Variants in GPC5 observed in about 807,000 individuals in gnomAD.
GPC5 encodes the protein glypican-5.
A neutral mutation model predicts 53.9 loss-of-function variants in GPC5; 47 were observed. That is an observed-to-expected ratio of 0.87 (90% CI 0.69 to 1.11). The LOEUF (loss-of-function observed/expected upper bound fraction) is 1.11. Among genes scored for constraint, GPC5 ranks in the 50% most tolerant of loss-of-function variants. GPC5 has a pLI of 0.00. For synonymous variants in GPC5, 286 were observed against 263.3 expected, an observed-to-expected ratio of 1.09 and a Z score of -0.84; for missense variants, 748 against 713.1, an observed-to-expected ratio of 1.05 and a Z score of -0.56.
At chr13:91,615,903 T>C (rs886577934) in intron 2 of GPC5, among the ~76,000 whole-genome samples, 1 of 152,148 alleles carries the variant, frequency 6.6e-6, no homozygotes, top group East Asian at 1.9e-4. Context: ...CAAATGTCTT[T>C]AATTCGTGGA....
At chr13:92,703,905 CA>C (rs1209925854) in intron 7 of GPC5, among the ~76,000 whole-genome samples, 18 of 151,912 alleles carry the variant, frequency 1.2e-4, no homozygotes, top group African/African-American at 4.1e-4. Context: ...ATAGATTTTT[CA>C]GAGCTTTAGA....
At chr13:91,936,355 A>G (rs539501122) in intron 6 of GPC5, among the ~76,000 whole-genome samples, 2 of 152,092 alleles carry the variant, frequency 1.3e-5, no homozygotes, top group Admixed American at 6.6e-5. Context: ...AGGTTTTAGT[A>G]GGATTTGCTT....
intron 2 of GPC5, among the ~76,000 whole-genome samples, chr13:91,529,860 C>T (rs950384353): frequency 7.2e-5 from 11 of 152,252 alleles, no homozygotes; most frequent in South Asian, 4.1e-4. Context: ...TCATGTGTCT[C>T]GGTCACAAGT....
intron 2 of GPC5, among the ~76,000 whole-genome samples, chr13:91,602,456 G>T (rs562582655): frequency 5.7e-4 from 87 of 152,178 alleles, no homozygotes; most frequent in Non-Finnish European, 2.4e-4. Flanking sequence ...TTTAGTGAGG[G>T]TTCATTTGTA....
chr13:92,708,116 C>G (rs958176976), intron 7 of GPC5, among the ~76,000 whole-genome samples: 6 of 152,118 alleles, frequency 3.9e-5, no homozygotes, highest in Non-Finnish European at 8.8e-5. Context: ...GTAGAATCAG[C>G]ATGAGAAACA....
intron 7 of GPC5, among the ~76,000 whole-genome samples, chr13:92,628,905 T>C (rs889538097): frequency 8.5e-5 from 13 of 152,168 alleles, no homozygotes; most frequent in Admixed American, 2.6e-4. Flanking sequence ...TGGGAAGCAT[T>C]TCCCATCTTC....
At chr13:91,639,964 T>C (rs1332034263) in intron 2 of GPC5, among the ~76,000 whole-genome samples, 2 of 152,184 alleles carry the variant, frequency 1.3e-5, no homozygotes, top group Non-Finnish European at 2.9e-5. Context: ...GCTTGGGTTT[T>C]ATTCACTATG....
intron 7 of GPC5, among the ~76,000 whole-genome samples, chr13:92,747,951 C>G (rs2139320500): frequency 6.6e-6 from 1 of 152,238 alleles, no homozygotes; most frequent in East Asian, 1.9e-4. Flanking sequence ...TTATTTTCCA[C>G]AGTTAAAAAT....
At chr13:91,813,639 C>T (rs552018963) in intron 5 of GPC5, among the ~76,000 whole-genome samples, 2 of 151,950 alleles carry the variant, frequency 1.3e-5, no homozygotes, top group Non-Finnish European at 2.9e-5. Context: ...TGAAGTTTGC[C>T]GAGTATTGGA....
At chr13:92,052,942 A>G (rs2041042463) in intron 6 of GPC5, among the ~76,000 whole-genome samples, 1 of 152,006 alleles carries the variant, frequency 6.6e-6, no homozygotes, top group Non-Finnish European at 1.5e-5. Flanking sequence ...TCTCCTAAAC[A>G]CCCCTCCTAG....
At chr13:92,170,287 C>A (rs1309759679) in intron 7 of GPC5, among the ~76,000 whole-genome samples, 1 of 151,578 alleles carries the variant, frequency 6.6e-6, no homozygotes, top group Non-Finnish European at 1.5e-5. Flanking sequence ...GCATAAGATT[C>A]TTTAATTGAT....
chr13:91,947,487 A>G (rs2039984344), intron 6 of GPC5, among the ~76,000 whole-genome samples: 1 of 152,180 alleles, frequency 6.6e-6, no homozygotes, highest in Admixed American at 6.5e-5. Flanking sequence ...TTCATAATTT[A>G]TTCCTACTCA....
intron 7 of GPC5, among the ~76,000 whole-genome samples, chr13:92,748,936 T>A (rs754584300): frequency 6.6e-6 from 1 of 152,186 alleles, no homozygotes; most frequent in Non-Finnish European, 1.5e-5. Context: ...TCTAATGAAA[T>A]TGTGAATACC....
At chr13:91,957,148 T>C (rs1193487224) in intron 6 of GPC5, among the ~76,000 whole-genome samples, 2 of 151,960 alleles carry the variant, frequency 1.3e-5, no homozygotes, top group Non-Finnish European at 2.9e-5. Context: ...AAAATGGAAA[T>C]TCTGGGACTG....
At chr13:92,157,513 AAG>A (rs1271355594) in intron 7 of GPC5, among the ~76,000 whole-genome samples, 1 of 152,178 alleles carries the variant, frequency 6.6e-6, no homozygotes, top group African/African-American at 2.4e-5. Context: ...CTCCTTGAAA[AAG>A]AGAATCCTGG....
chr13:92,807,693 C>T (rs899121678), intron 7 of GPC5, among the ~76,000 whole-genome samples: 1 of 151,848 alleles, frequency 6.6e-6, no homozygotes, highest in Admixed American at 6.6e-5. Flanking sequence ...GGTTTTTATC[C>T]CAATAAAAAC....
chr13:91,908,951 C>T (rs1346530046), intron 6 of GPC5, among the ~76,000 whole-genome samples: 2 of 152,208 alleles, frequency 1.3e-5, no homozygotes, highest in African/African-American at 4.8e-5. Flanking sequence ...GTAGACTTCT[C>T]ATAATTGTTC....
chr13:91,894,104 A>G (rs1217297083), intron 5 of GPC5, among the ~76,000 whole-genome samples: 2 of 152,108 alleles, frequency 1.3e-5, no homozygotes, highest in Non-Finnish European at 2.9e-5. Flanking sequence ...TCTTTTAGAA[A>G]TCTATTATTC....
intron 6 of GPC5, among the ~76,000 whole-genome samples, chr13:92,016,791 G>C (rs569673355): frequency 9.2e-4 from 138 of 150,750 alleles, no homozygotes; most frequent in African/African-American, 3.3e-3. Context: ...GCAGTGGTGC[G>C]ATCTTGGCTC....
Sources: allele counts gnomAD v4.1 joint callset (sites outside exome capture counted in the v4.1 genomes callset), GRCh38; gene constraint gnomAD v4.1.1; transcripts MANE v1.5; gene names NCBI Gene and HGNC (gene_info 2026-07-23, HGNC 2026-07-21).